Variants in CDH12 observed in about 807,000 individuals in gnomAD.
CDH12 encodes the protein cadherin 12.
A neutral mutation model predicts 74.1 loss-of-function variants in CDH12; 41 were observed. The observed-to-expected ratio is 0.55, with a 90% confidence interval of 0.43 to 0.72. The LOEUF is 0.72. CDH12 is among the 30% of genes least tolerant of loss of function. The pLI, the probability that CDH12 is intolerant of heterozygous loss-of-function variation, is 0.00. For synonymous variants in CDH12, 399 were observed against 355.0 expected, an observed-to-expected ratio of 1.12 and a Z score of -1.39; for missense variants, 945 against 977.2, an observed-to-expected ratio of 0.97 and a Z score of 0.44.
intron 2 of CDH12, among the ~76,000 whole-genome samples, chr5:22,465,256 C>A (rs1745680314): frequency 6.6e-6 from 1 of 152,176 alleles, no homozygotes; most frequent in African/African-American, 2.4e-5. Context: ...CATATCTATG[C>A]TGTCTCCCAA....
intron 1 of CDH12, among the ~76,000 whole-genome samples, chr5:22,711,068 G>A (rs554911994): frequency 1.3e-4 from 18 of 136,576 alleles, no homozygotes; most frequent in Middle Eastern, 3.9e-3. Context: ...AGTACATTAC[G>A]CAGTGTTTTT....
chr5:21,859,306 C>T (rs1750910717), intron 6 of CDH12, among the ~76,000 whole-genome samples: 1 of 151,888 alleles, frequency 6.6e-6, no homozygotes, highest in Non-Finnish European at 1.5e-5. Flanking sequence ...AAGGCACCTT[C>T]TTCACAGGGG....
rs191340705 is a variant in CDH12 at position 21,896,765 on chromosome 5, C to T, written c.527-41975G>A. Among the ~76,000 whole-genome samples, 311 of 152,224 alleles carry T rather than the reference C, an allele frequency of 2.0e-3. 3 individuals carry two copies. The highest frequency in any genetic ancestry group is 9.7e-4 in the East Asian group (5 of 5,180). ...TAAACTTCTTAACACTGCCCGCTTCCCAGATATTTCAGAAAAATGAGACTA... is the reference window on the plus strand; with the variant it reads ...TAAACTTCTTAACACTGCCCGCTTCTCAGATATTTCAGAAAAATGAGACTA... On this transcript the variant is annotated intron_variant, in intron 6 of 14. Coordinates refer to ENST00000382254, the MANE Select transcript of CDH12 (RefSeq NM_004061.5).
intron 4 of CDH12, among the ~76,000 whole-genome samples, chr5:22,117,068 C>T (rs2150268260): frequency 6.6e-6 from 1 of 151,486 alleles, no homozygotes; most frequent in Middle Eastern, 3.4e-3. Flanking sequence ...AATTCTAGGC[C>T]AGCCTCTGCT....
At chr5:22,834,552 ACAAAG>A (rs928357629) in intron 1 of CDH12, among the ~76,000 whole-genome samples, 1 of 152,154 alleles carries the variant, frequency 6.6e-6, no homozygotes, top group African/African-American at 2.4e-5. Flanking sequence ...CCCTTTCAAC[ACAAAG>A]CAAAGAAAAA....
At chr5:22,027,994 C>T (rs1229155206) in intron 5 of CDH12, among the ~76,000 whole-genome samples, 2 of 152,020 alleles carry the variant, frequency 1.3e-5, no homozygotes, top group African/African-American at 4.8e-5. Context: ...GAATGTGTCC[C>T]AGAGATTCTG....
chr5:22,010,852 C>T (rs1039684446), intron 5 of CDH12, among the ~76,000 whole-genome samples: 7 of 152,284 alleles, frequency 4.6e-5, no homozygotes, highest in African/African-American at 1.7e-4. Flanking sequence ...ATGAGATTTA[C>T]ATCCTGTAAT....
Position 22,184,194 on chromosome 5 carries a change from G to C in CDH12, c.-187+28304C>G, listed in dbSNP as rs1405896078. ...CTCTTAAGACTGTAGAGAGGACTAA[G>C]ACAATAAATCCAAAGTTTTTGGCAT... On this transcript the variant is annotated intron_variant, in intron 4 of 14. Transcript: ENST00000382254. 1.3e-5 allele frequency among the ~76,000 whole-genome samples: 2 copies of C among 152,040 alleles called. 1 individual carries two copies. Among genetic ancestry groups the C allele is most frequent in the Non-Finnish European group, 2.9e-5 (2 of 68,008 alleles).
In CDH12 at chr5:22,194,683, C is replaced by T. The variant is rs571720797; in HGVS notation, c.-187+17815G>A. Among the ~76,000 whole-genome samples, 3 of 152,218 alleles carry T rather than the reference C, an allele frequency of 2.0e-5. No individual in the cohort carries two copies. In the East Asian group the frequency reaches 5.8e-4, roughly 29 times the overall value. ...GAAAAAAACTTGCCACTTGGTCTGT[C>T]AGTGCAGTGTGGTCTTAATGAAAAG... On this transcript the variant is annotated intron_variant, in intron 4 of 14. Transcript: ENST00000382254.
intron 2 of CDH12, among the ~76,000 whole-genome samples, chr5:22,447,488 T>A (rs552094935): frequency 6.6e-6 from 1 of 152,270 alleles, no homozygotes; most frequent in East Asian, 1.9e-4. Flanking sequence ...AAAATTCTGA[T>A]GTATTTAATC....
intron 7 of CDH12, among the ~76,000 whole-genome samples, chr5:21,850,083 T>C (rs1373312877): frequency 1.3e-5 from 2 of 151,640 alleles, no homozygotes; most frequent in Non-Finnish European, 3.0e-5. Flanking sequence ...CTTATTTATA[T>C]GTGGAATCTA....
intron 3 of CDH12, among the ~76,000 whole-genome samples, chr5:22,390,481 C>CT (rs546055990): frequency 6.6e-6 from 1 of 151,640 alleles, no homozygotes; most frequent in Non-Finnish European, 1.5e-5. Flanking sequence ...ATTATTAATA[C>CT]TTTTTTTATA....
intron 1 of CDH12, among the ~76,000 whole-genome samples, chr5:22,803,931 A>C (rs1748656702): frequency 6.6e-6 from 1 of 152,148 alleles, no homozygotes; most frequent in African/African-American, 2.4e-5. Context: ...ATAAGATGTA[A>C]ATGATTTTTA....
intron 3 of CDH12, among the ~76,000 whole-genome samples, chr5:22,241,931 T>C (rs1752764419): frequency 6.6e-6 from 1 of 152,110 alleles, no homozygotes; most frequent in South Asian, 2.1e-4. Flanking sequence ...TTGCATAATA[T>C]TTAAATCATA....
intron 1 of CDH12, among the ~76,000 whole-genome samples, chr5:22,798,028 A>G (rs1748317548): frequency 6.6e-6 from 1 of 152,162 alleles, no homozygotes; most frequent in South Asian, 2.1e-4. Context: ...CCTTAGGCAA[A>G]CTTATGACAA....
chr5:22,810,643 G>T (rs1380526640), intron 1 of CDH12, among the ~76,000 whole-genome samples: 1 of 152,160 alleles, frequency 6.6e-6, no homozygotes, highest in Non-Finnish European at 1.5e-5. Context: ...TTGGAAGGCT[G>T]AGGGGGAAGA....
rs1243150554 is a variant in CDH12, at chr5:22,529,206, G to T, written c.-522-23842C>A. Among the ~76,000 whole-genome samples the T allele has an allele frequency of 2.1e-3, 309 of 148,168 alleles. 8 individuals are homozygous for T. The highest frequency in any genetic ancestry group is 2.3e-3 in the Non-Finnish European group (153 of 67,158). On this transcript the variant is annotated intron_variant, in intron 1 of 14. Transcript: ENST00000382254. Reference sequence around the variant, plus strand: ...ATATATATAGAGAGAGAGAGAGAGAGAGAGAGAGAGAGAGAGAGAAGAGAG... The same window carrying T: ...ATATATATAGAGAGAGAGAGAGAGATAGAGAGAGAGAGAGAGAGAAGAGAG...
chr5:22,743,251 G>T, intron 1 of CDH12, among the ~76,000 whole-genome samples: 1 of 130,948 alleles, frequency 7.6e-6, no homozygotes, highest in African/African-American at 3.0e-5. Context: ...ATCCATAATA[G>T]CATGGAGATT....
At chr5:22,797,119 G>C (rs146805027) in intron 1 of CDH12, among the ~76,000 whole-genome samples, 2 of 151,632 alleles carry the variant, frequency 1.3e-5, no homozygotes, top group Admixed American at 1.3e-4. Flanking sequence ...TATTCGGAGG[G>C]GGGCATTTGG....
Sources: allele counts gnomAD v4.1 joint callset (sites outside exome capture counted in the v4.1 genomes callset), GRCh38; gene constraint gnomAD v4.1.1; transcripts MANE v1.5; gene names NCBI Gene and HGNC (gene_info 2026-07-23, HGNC 2026-07-21).